Variants in RYR3 observed in about 807,000 individuals in gnomAD.
RYR3 encodes the protein brain ryanodine receptor-calcium release channel.
In RYR3, 207 loss-of-function variants were observed where a neutral mutation model predicts 584.3. The ratio of observed to expected loss-of-function variants is 0.35; its 90% confidence interval spans 0.32 to 0.40. The LOEUF is 0.40. RYR3 is among the 10% of genes least tolerant of loss of function. RYR3 has a pLI of 1.00. For synonymous variants in RYR3, 2,416 were observed against 2,248.5 expected (o/e 1.07, Z -2.11); for missense variants, 5,616 against 6,089.2 (o/e 0.92, Z 2.59).
chr15:33,578,452 T>C (rs1231755410), intron 12 of RYR3, among the ~76,000 whole-genome samples: 2 of 152,156 alleles, frequency 1.3e-5, no homozygotes, highest in Non-Finnish European at 2.9e-5. Context: ...ATCATGTCCT[T>C]AGCAGGGACA....
chr15:33,669,272 TAA>T lies in RYR3; in HGVS notation c.5620-81_5620-80del, dbSNP rs2063675229. The stretch of plus-strand genomic sequence containing the variant: ...AAGTAAAATAAATTTGAAAAGAATG[TAA>T]GTGTCTGTCTAAGGCAGGATCTGAG... On this transcript the variant is annotated intron_variant, in intron 36 of 103. Coordinates refer to ENST00000634891, the MANE Select transcript of RYR3 (RefSeq NM_001036.6). The T allele has an allele frequency of 3.0e-6, 3 of 998,590 alleles. No homozygotes were observed. In the African/African-American group the frequency reaches 4.9e-5, roughly 16 times the overall value. 61.9% of individuals were successfully genotyped at this position (998,590 alleles called of 1,614,324 possible).
chr15:33,846,796 A>T (rs553687435), intron 93 of RYR3, among the ~76,000 whole-genome samples: 1 of 152,322 alleles, frequency 6.6e-6, no homozygotes, highest in Admixed American at 6.5e-5. Flanking sequence ...CATAAAAATG[A>T]GTACTGTTGC....
chr15:33,467,894 C>T (rs1287440072), intron 1 of RYR3, among the ~76,000 whole-genome samples: 1 of 152,156 alleles, frequency 6.6e-6, no homozygotes, highest in Non-Finnish European at 1.5e-5. Context: ...TGGCCTTGTG[C>T]TCTGTGATGT....
chr15:33,736,623 G>A (rs1400246612), intron 49 of RYR3, among the ~76,000 whole-genome samples: 1 of 152,126 alleles, frequency 6.6e-6, no homozygotes, highest in Non-Finnish European at 1.5e-5. Flanking sequence ...TTTTCAGATT[G>A]TGTTCATCTC....
chr15:33,521,734 A>G (rs1368596009), intron 3 of RYR3, among the ~76,000 whole-genome samples: 2 of 152,188 alleles, frequency 1.3e-5, no homozygotes, highest in Admixed American at 6.5e-5. Context: ...AGAGCACAGC[A>G]GCAGACAGAG....
chr15:33,558,120 A>C (rs2057190802), intron 10 of RYR3, among the ~76,000 whole-genome samples: 1 of 152,070 alleles, frequency 6.6e-6, no homozygotes, highest in Non-Finnish European at 1.5e-5. Flanking sequence ...ATTATACTTT[A>C]AGTTCTAGGG....
chr15:33,445,664 A>AACACACACACACACACACAC (rs61585713), intron 1 of RYR3, among the ~76,000 whole-genome samples: 21 of 106,036 alleles, frequency 2.0e-4, no homozygotes, highest in African/African-American at 3.8e-4. Context: ...TTCCCCCACC[A>AACACACACACACACACACAC]ACACACACAC....
intron 22 of RYR3, among the ~76,000 whole-genome samples, chr15:33,630,914 A>G (rs774055672): frequency 1.3e-5 from 2 of 152,240 alleles, no homozygotes; most frequent in South Asian, 2.1e-4. Context: ...CCATGGGACA[A>G]TCAGACCAGC....
In RYR3 at chr15:33,810,565, C is replaced by A. The variant is rs770778818; in HGVS notation, c.10113C>A (p.Leu3371=). 235 of 1,613,870 alleles carry A rather than the reference C, an allele frequency of 1.5e-4. No individual in the cohort carries two copies. Among genetic ancestry groups the A allele is most frequent in the Non-Finnish European group, 1.9e-4 (222 of 1,179,894 alleles). Residue 3371 remains leucine, a synonymous_variant, in exon 71 of 104, where the codon CTC becomes CTA. Coordinates refer to ENST00000634891, the MANE Select transcript of RYR3 (RefSeq NM_001036.6). ...SIQTSLIVAA[L]KKMLPIGLNM... Reference sequence around the variant, plus strand: ...AGACCTCCCTCATCGTGGCTGCACTCAAGAAAATGCTGCCCATTGGTTTGA... The same window carrying A: ...AGACCTCCCTCATCGTGGCTGCACTAAAGAAAATGCTGCCCATTGGTTTGA...
chr15:33,687,801 A>G (rs1442534494), intron 38 of RYR3, among the ~76,000 whole-genome samples: 1 of 152,264 alleles, frequency 6.6e-6, no homozygotes, highest in African/African-American at 2.4e-5. Flanking sequence ...TGACAAAAAC[A>G]GGAAATGGGG....
At chr15:33,572,800 C>T (rs1437848482) in intron 12 of RYR3, among the ~76,000 whole-genome samples, 1 of 151,846 alleles carries the variant, frequency 6.6e-6, no homozygotes, top group African/African-American at 2.4e-5. Flanking sequence ...CATGGAGAAA[C>T]CCCGTCTTTA....
chr15:33,815,970 C>A lies in RYR3; in HGVS notation c.10503-892C>A, dbSNP rs1596764497. 4 of 398,362 alleles carry A rather than the reference C, an allele frequency of 1.0e-5. No homozygotes were observed. In the East Asian group the frequency reaches 1.4e-4, roughly 14 times the overall value. The allele number at this position is 398,362 out of a possible 1,614,324, so 24.7% of individuals were successfully genotyped here. ...TGTGGAGAGACCTGCTCATTCTCTG[C>A]ACACTCCTCCTTTATTGACCATGAT... On this transcript the variant is annotated intron_variant, in intron 74 of 103. Coordinates refer to ENST00000634891, the MANE Select transcript of RYR3 (RefSeq NM_001036.6).
intron 1 of RYR3, among the ~76,000 whole-genome samples, chr15:33,333,704 C>A (rs1223225260): frequency 6.6e-6 from 1 of 152,094 alleles, no homozygotes; most frequent in South Asian, 2.1e-4. Context: ...GACAATCAGG[C>A]AAGAGAAAGA....
chr15:33,584,953 G>A (rs186677993), intron 15 of RYR3, among the ~76,000 whole-genome samples: 5 of 152,114 alleles, frequency 3.3e-5, no homozygotes, highest in African/African-American at 4.8e-5. Flanking sequence ...CCTCTCTCCC[G>A]TGACTCACCC....
At chr15:33,749,604 A>C (rs1268803580) in intron 55 of RYR3, among the ~76,000 whole-genome samples, 3 of 152,164 alleles carry the variant, frequency 2.0e-5, no homozygotes, top group Non-Finnish European at 4.4e-5. Context: ...CGGGGGTTCT[A>C]GACTTTTCTT....
chr15:33,585,321 C>T (rs971067230), intron 15 of RYR3, among the ~76,000 whole-genome samples: 1 of 152,152 alleles, frequency 6.6e-6, no homozygotes, highest in Non-Finnish European at 1.5e-5. Flanking sequence ...AAGAAATTTT[C>T]CTAATAAAAC....
At chr15:33,604,197 A>G (rs1261245822) in intron 18 of RYR3, among the ~76,000 whole-genome samples, 3 of 152,246 alleles carry the variant, frequency 2.0e-5, no homozygotes, top group South Asian at 2.1e-4. Context: ...CCCGTTACAT[A>G]AGTAACCATG....
At chr15:33,628,747 T>C (rs79142798) in intron 21 of RYR3, among the ~76,000 whole-genome samples, 172 bp downstream of exon 21, 2,242 of 152,278 alleles carry the variant, frequency 0.015, 28 homozygotes, top group Non-Finnish European at 0.022. Context: ...TCCCAAATAC[T>C]GGTTTATTTT....
intron 66 of RYR3, among the ~76,000 whole-genome samples, chr15:33,786,762 C>T (rs909484111): frequency 2.0e-5 from 3 of 152,174 alleles, no homozygotes; most frequent in Non-Finnish European, 4.4e-5. Context: ...CATATAATCT[C>T]CTGGACATGA....
Sources: allele counts gnomAD v4.1 joint callset (sites outside exome capture counted in the v4.1 genomes callset), GRCh38; gene constraint gnomAD v4.1.1; transcripts MANE v1.5; gene names NCBI Gene and HGNC (gene_info 2026-07-23, HGNC 2026-07-21).